The following FAM114A2 variants were observed in gnomAD, a reference collection of about 807,000 sequenced individuals.
FAM114A2 encodes the protein protein FAM114A2.
Under a neutral mutation model 58.4 loss-of-function variants are expected in FAM114A2, and 53 were observed. The observed-to-expected ratio is 0.91, with a 90% CI of 0.73 to 1.14. The LOEUF is 1.14. Among genes scored for constraint, FAM114A2 ranks in the 50% most tolerant of loss-of-function variants. The pLI, the probability that FAM114A2 is intolerant of heterozygous loss-of-function variation, is 0.00. For synonymous variants in FAM114A2, 228 were observed against 211.4 expected, an observed-to-expected ratio of 1.08 and a Z score of -0.68; for missense variants, 601 against 581.1, an observed-to-expected ratio of 1.03 and a Z score of -0.35.
rs1769206544 is a variant in FAM114A2, at chr5:153,990,309, T to C, written c.*2667A>G. ...AAATAGCTCTCCCTCAAAAAGGTCT[T>C]TCACTAAAAACAAGTACAAAAGAAA... On this transcript the variant is annotated 3_prime_UTR_variant, in exon 14 of 14. Transcript: ENST00000351797. 1 of 152,094 alleles carries C rather than the reference T, an allele frequency of 6.6e-6. No individual in the cohort carries two copies. The highest frequency in any genetic ancestry group is 6.5e-5 in the Admixed American group (1 of 15,272). The allele number at this position is 152,094 out of a possible 1,614,324, so 9.4% of individuals were successfully genotyped here.
rs373102674 is a variant in FAM114A2 at position 154,027,300 on chromosome 5, C to T, written c.665G>A (p.Arg222Gln). ...TTCCACGGTAACCTCATTGGAGGTC[C>T]GTATCTCTTCTTTCTCCTTCGCCTC... ...LREAKEKEEI[R>Q]TSNEVTVETD... Residue 222 changes from arginine (R) to glutamine (Q), a missense_variant, in exon 7 of 14, where the codon CGG becomes CAG. Physicochemically the swap from Arg to Gln is conservative, Grantham distance 43. Transcript: ENST00000351797. 2.5e-6 allele frequency: 4 copies of T among 1,612,844 alleles called. No homozygotes were observed. Among genetic ancestry groups the T allele is most frequent in the Middle Eastern group, 1.6e-4 (1 of 6,072 alleles).
chr5:154,007,370 C>T (rs1375170511), intron 9 of FAM114A2, among the ~76,000 whole-genome samples: 1 of 152,062 alleles, frequency 6.6e-6, no homozygotes, highest in Non-Finnish European at 1.5e-5. Flanking sequence ...TGAATTTGCC[C>T]CAGGCCACAC....
At chr5:154,032,034 T>C (rs898329870) in intron 4 of FAM114A2, among the ~76,000 whole-genome samples, 25 of 152,212 alleles carry the variant, frequency 1.6e-4, no homozygotes, top group African/African-American at 6.0e-4. Context: ...ATAAGACAAA[T>C]ACATAATTGA....
chr5:154,034,274 T>C lies in FAM114A2; in HGVS notation c.310+4A>G. On this transcript the variant is annotated splice_donor_region_variant and intron_variant, in intron 3 of 13. Coordinates refer to ENST00000351797, the MANE Select transcript of FAM114A2 (RefSeq NM_018691.4). ...AAAAATAACTAAATGACTGATGATC[T>C]TACCTACTGTAGCTACTGTAGCCGA... is the stretch of plus-strand genomic sequence containing the variant. The C allele has an allele frequency of 6.5e-7, 1 of 1,533,352 alleles. No individual in the cohort carries two copies. The highest frequency in any genetic ancestry group is 8.9e-7 in the Non-Finnish European group (1 of 1,129,370). 95.0% of individuals were successfully genotyped at this position (1,533,352 alleles called of 1,614,324 possible). A position where few individuals can be genotyped will look rare whatever the true frequency, so the allele number is the denominator to read the frequency against.
intron 6 of FAM114A2, among the ~76,000 whole-genome samples, chr5:154,027,878 C>T (rs1439295176): frequency 6.6e-6 from 1 of 151,886 alleles, no homozygotes; most frequent in African/African-American, 2.4e-5. Flanking sequence ...AACATTAAAA[C>T]AAACAAACAA....
At chr5:154,034,688 A>T in intron 2 of FAM114A2, 56 bp downstream of exon 2, 1 of 1,311,252 alleles carries the variant, frequency 7.6e-7, no homozygotes, top group Non-Finnish European at 1.1e-6. Flanking sequence ...TAGCCCCAAC[A>T]TTTTTTAATC....
At chr5:154,034,618 G>T in intron 2 of FAM114A2, 126 bp downstream of exon 2, 1 of 745,096 alleles carries the variant, frequency 1.3e-6, no homozygotes, top group Non-Finnish European at 2.3e-6. Flanking sequence ...CTGTATTTTA[G>T]GGTTGTAAAG....
At chr5:154,036,277 T>C (rs1772550484) in intron 1 of FAM114A2, 1 of 152,198 alleles carries the variant, frequency 6.6e-6, no homozygotes, top group Non-Finnish European at 1.5e-5. Flanking sequence ...ATTTAAGCCA[T>C]CAGATTGGCT....
At chr5:154,030,987 G>C (rs1222198105) in intron 4 of FAM114A2, among the ~76,000 whole-genome samples, 1 of 152,050 alleles carries the variant, frequency 6.6e-6, no homozygotes, top group Non-Finnish European at 1.5e-5. Context: ...TTAGAGTAAA[G>C]GCCACTATAG....
chr5:153,997,903 G>A (rs571382510), intron 11 of FAM114A2, 28 bp from the exon 12 acceptor site: 17 of 1,403,430 alleles, frequency 1.2e-5, no homozygotes, highest in African/African-American at 1.4e-5. Flanking sequence ...AGTCAGAAAC[G>A]TTTTTTCTTT....
chr5:154,027,355 T>A (rs1771861325), intron 6 of FAM114A2, 21 bp from the exon 7 acceptor site: 1 of 1,598,612 alleles, frequency 6.3e-7, no homozygotes, highest in Non-Finnish European at 8.5e-7. Context: ...ATGGAGGCAT[T>A]ACACTGTAGC....
At chr5:154,031,348 A>G (rs2113487976) in intron 4 of FAM114A2, among the ~76,000 whole-genome samples, 1 of 151,402 alleles carries the variant, frequency 6.6e-6, no homozygotes, top group Admixed American at 6.6e-5. Flanking sequence ...CATCAATTTA[A>G]GTTGCAAATA....
At chr5:154,003,661 TC>T (rs1197932836) in intron 9 of FAM114A2, among the ~76,000 whole-genome samples, 1 of 152,048 alleles carries the variant, frequency 6.6e-6, no homozygotes, top group East Asian at 1.9e-4. Flanking sequence ...TCAAACCATG[TC>T]CCCCTCCTCC....
intron 8 of FAM114A2, among the ~76,000 whole-genome samples, chr5:154,014,517 C>T (rs1249501878): frequency 6.6e-6 from 1 of 152,138 alleles, no homozygotes; most frequent in Non-Finnish European, 1.5e-5. Context: ...AGATCATCTA[C>T]CCCAGAACAC....
chr5:154,000,817 A>G (rs146571932), intron 11 of FAM114A2, among the ~76,000 whole-genome samples: 116 of 152,358 alleles, frequency 7.6e-4, no homozygotes, highest in African/African-American at 2.7e-3. Flanking sequence ...CATTTTAAGG[A>G]GACAACATCA....
At chr5:154,016,000 A>C (rs1369777958) in intron 8 of FAM114A2, among the ~76,000 whole-genome samples, 1 of 152,060 alleles carries the variant, frequency 6.6e-6, no homozygotes, top group Non-Finnish European at 1.5e-5. Context: ...TCAGCAATAG[A>C]ATTGAACAAG....
At chr5:153,997,910 C>A in intron 11 of FAM114A2, 35 bp from the exon 12 acceptor site, 2 of 1,299,038 alleles carry the variant, frequency 1.5e-6, no homozygotes, top group South Asian at 1.3e-5. Context: ...AACGTTTTTT[C>A]TTTTTTTAAA....
chr5:154,023,913 G>A (rs1426736097), intron 8 of FAM114A2, among the ~76,000 whole-genome samples: 4 of 152,086 alleles, frequency 2.6e-5, no homozygotes, highest in Non-Finnish European at 5.9e-5. Context: ...TGTTTGTAGA[G>A]AATCCACACA....
At chr5:154,016,366 A>G (rs920162717) in intron 8 of FAM114A2, among the ~76,000 whole-genome samples, 8 of 152,328 alleles carry the variant, frequency 5.3e-5, no homozygotes, top group African/African-American at 1.9e-4. Flanking sequence ...GTGATACAGA[A>G]GCACCAGGTA....
Sources: allele counts gnomAD v4.1 joint callset (sites outside exome capture counted in the v4.1 genomes callset), GRCh38; gene constraint gnomAD v4.1.1; transcripts MANE v1.5; gene names NCBI Gene and HGNC (gene_info 2026-07-23, HGNC 2026-07-21).